TIAM2: variants seen among roughly 807,000 people sequenced by gnomAD.
The protein encoded by TIAM2 is TIAM Rac1 associated GEF 2, also known as rho guanine nucleotide exchange factor TIAM2.
Under a neutral mutation model 152.9 loss-of-function variants are expected in TIAM2, and 80 were observed. The ratio of observed to expected loss-of-function variants is 0.52; its 90% CI spans 0.44 to 0.63. The LOEUF (loss-of-function observed/expected upper bound fraction) is 0.63. Among genes scored for constraint, TIAM2 ranks in the 30% least tolerant of loss-of-function variants. The pLI is 0.00. For missense variants in TIAM2, 1,965 were observed against 2,120.1 expected (o/e 0.93, Z 1.44); for synonymous variants, 804 against 838.0 (o/e 0.96, Z 0.70).
chr6:155,004,880 T>G (rs117564211), intron 1 of TIAM2: 2,498 of 158,112 alleles, frequency 0.016, 39 homozygotes, highest in Non-Finnish European at 0.021. Context: ...GATGGATTTA[T>G]AGAGTGGGGA....
chr6:155,201,256 C>A (rs1781466380), intron 14 of TIAM2, among the ~76,000 whole-genome samples: 1 of 152,192 alleles, frequency 6.6e-6, no homozygotes, highest in Non-Finnish European at 1.5e-5. Flanking sequence ...TAGAAACTTT[C>A]TCTAATAGAA....
intron 15 of TIAM2, among the ~76,000 whole-genome samples, chr6:155,229,209 T>C (rs143396423): frequency 1.4e-3 from 212 of 152,342 alleles, no homozygotes; most frequent in African/African-American, 4.9e-3. Flanking sequence ...TTCTGCCTTT[T>C]ATCCCTACAC....
At chr6:155,097,599 C>T (rs927748625) in intron 2 of TIAM2, among the ~76,000 whole-genome samples, 1 of 152,184 alleles carries the variant, frequency 6.6e-6, no homozygotes, top group Non-Finnish European at 1.5e-5. Flanking sequence ...CCTTGGCCCC[C>T]CAAAGTGCTG....
At chr6:155,133,304 G>A (rs918185404) in intron 4 of TIAM2, among the ~76,000 whole-genome samples, 14 of 152,108 alleles carry the variant, frequency 9.2e-5, no homozygotes, top group African/African-American at 3.1e-4. Flanking sequence ...CTGAGATCAC[G>A]CCAGCGCACT....
At chr6:155,095,895 T>G in intron 2 of TIAM2, among the ~76,000 whole-genome samples, 1 of 152,220 alleles carries the variant, frequency 6.6e-6, no homozygotes, top group East Asian at 1.9e-4. Flanking sequence ...TCAAAAATGT[T>G]GTAAACAGAT....
intron 1 of TIAM2, among the ~76,000 whole-genome samples, chr6:155,082,646 A>G (rs1195597960): frequency 6.7e-6 from 1 of 148,288 alleles, no homozygotes; most frequent in Non-Finnish European, 1.5e-5. Context: ...GTAAAACTCC[A>G]TCTCAACCCA....
chr6:155,103,723 C>CAAAAAAAA (rs759945340), intron 2 of TIAM2, among the ~76,000 whole-genome samples: 1 of 59,874 alleles, frequency 1.7e-5, no homozygotes, highest in Non-Finnish European at 2.9e-5. Flanking sequence ...GACTCTGTCT[C>CAAAAAAAA]AAAAAAAAAA....
chr6:155,193,083 A>T (rs977661577), intron 14 of TIAM2, among the ~76,000 whole-genome samples: 4 of 151,952 alleles, frequency 2.6e-5, no homozygotes, highest in Non-Finnish European at 5.9e-5. Flanking sequence ...GATCTTCCAA[A>T]TGTGGACATT....
intron 2 of TIAM2, among the ~76,000 whole-genome samples, chr6:155,108,643 G>A (rs1457678503): frequency 6.6e-6 from 1 of 152,130 alleles, no homozygotes. Flanking sequence ...CTGCAGGAAG[G>A]ATGCCTGGAA....
intron 2 of TIAM2, among the ~76,000 whole-genome samples, chr6:155,114,014 TTATATATA>T (rs1212954021): frequency 1.7e-5 from 1 of 58,852 alleles, no homozygotes; most frequent in Non-Finnish European, 3.0e-5. Context: ...ATACTTTACT[TTATATATA>T]TATATATATA....
At chr6:155,176,337 G>A (rs1472878206) in intron 9 of TIAM2, among the ~76,000 whole-genome samples, 1 of 152,130 alleles carries the variant, frequency 6.6e-6, no homozygotes, top group African/African-American at 2.4e-5. Flanking sequence ...AGGTTCAAGC[G>A]ATTCTTCTGC....
chr6:155,087,882 A>ATTTCTGAAAATGTTT lies in TIAM2; in HGVS notation c.-208-2406_-208-2405insTTCTGAAAATGTTTT, dbSNP rs148535253. ...AGGCATTCTTGACCAGATATAACAA[A>ATTTCTGAAAATGTTT]TCTCTGAACTAATTATGTCGCCTTG... On this transcript the variant is annotated intron_variant, in intron 1 of 26. Coordinates refer to ENST00000682666, the MANE Select transcript of TIAM2 (RefSeq NM_012454.4). 1.9e-4 allele frequency among the ~76,000 whole-genome samples: 29 copies of ATTTCTGAAAATGTTT among 151,784 alleles called. No homozygotes were observed. In the East Asian group the frequency reaches 5.6e-3, roughly 29 times the overall value.
chr6:155,196,107 C>T (rs763730671), intron 14 of TIAM2, among the ~76,000 whole-genome samples: 7 of 152,052 alleles, frequency 4.6e-5, no homozygotes, highest in South Asian at 2.1e-4. Flanking sequence ...GAGGCTTTGC[C>T]GTCACCCAGG....
chr6:155,245,755 G>GGTTTT, intron 19 of TIAM2, 24 bp downstream of exon 19: 1 of 1,022,126 alleles, frequency 9.8e-7, no homozygotes, highest in Non-Finnish European at 1.4e-6. Context: ...GCCTTTTATA[G>GGTTTT]TTTTTTTTTT....
At chr6:155,003,234 G>A (rs529583379) in intron 1 of TIAM2, among the ~76,000 whole-genome samples, 1 of 152,140 alleles carries the variant, frequency 6.6e-6, no homozygotes, top group African/African-American at 2.4e-5. Flanking sequence ...CCGAAGCGTG[G>A]AATTGTGGCA....
chr6:155,185,903 G>GA (rs1781031854), intron 14 of TIAM2, among the ~76,000 whole-genome samples: 1 of 152,138 alleles, frequency 6.6e-6, no homozygotes, highest in Admixed American at 6.5e-5. Context: ...GCCTGTGCTG[G>GA]AAAAAACAGC....
chr6:155,176,775 A>C (rs778412839), intron 9 of TIAM2, 41 bp from the exon 10 acceptor site: 1 of 1,598,144 alleles, frequency 6.3e-7, no homozygotes, highest in Non-Finnish European at 8.5e-7. Flanking sequence ...TTCATTTGTT[A>C]ATCAAATTTG....
chr6:155,179,728 A>G (rs990665176), intron 12 of TIAM2, among the ~76,000 whole-genome samples: 2 of 152,352 alleles, frequency 1.3e-5, no homozygotes, highest in East Asian at 1.9e-4. Flanking sequence ...TAATAACACA[A>G]TGAATGTACT....
At position 155,251,954 on chromosome 6, in the gene TIAM2, G is replaced by A. The variant is rs780771831; in HGVS notation, c.4070G>A (p.Arg1357Lys). 6.2e-7 allele frequency: 1 copy of A among 1,603,960 alleles called. No homozygotes were observed. The highest frequency in any genetic ancestry group is 1.1e-5 in the South Asian group (1 of 89,018). ...CTTTTCCTTTCTTTAGTTTTTAAGA[G>A]AGCCGTCATACTGGTTTATAAAGAA... ...DLELTVFVFK[R>K]AVILVYKENC... The change falls in exon 23 of 27, where the codon AGA becomes AAA. Residue 1357 changes from arginine (R) to lysine (K), a missense_variant. By Grantham distance (26) the Arg-to-Lys change is conservative. This residue lies in a region of TIAM2 where 935 missense variants were observed against 980.0 expected (regional missense o/e 0.95). Coordinates refer to ENST00000682666, the MANE Select transcript of TIAM2 (RefSeq NM_012454.4).
Sources: allele counts gnomAD v4.1 joint callset (sites outside exome capture counted in the v4.1 genomes callset), GRCh38; gene constraint gnomAD v4.1.1; regional missense constraint gnomAD v4.1.1; transcripts MANE v1.5; gene names NCBI Gene and HGNC (gene_info 2026-07-23, HGNC 2026-07-21).